DENND4C: variants seen among roughly 807,000 people sequenced by gnomAD.
The protein encoded by DENND4C is DENN domain containing 4C.
In DENND4C, 108 loss-of-function variants were observed where a neutral mutation model predicts 203.0. That is an observed-to-expected ratio of 0.53 (90% CI 0.46 to 0.62). The LOEUF (loss-of-function observed/expected upper bound fraction) is 0.62, where lower values mean the gene tolerates loss of function less well. DENND4C is among the 20% of genes least tolerant of loss of function. The probability of loss-of-function intolerance (pLI) is 0.00; values close to 1 mark genes in which losing one functional copy is unlikely to be tolerated. For missense variants in DENND4C, 2,481 were observed against 2,301.2 expected (o/e 1.08, Z -1.60); for synonymous variants, 871 against 792.4 (o/e 1.10, Z -1.67).
At chr9:19,322,404 A>G (rs1479641752) in intron 12 of DENND4C, among the ~76,000 whole-genome samples, 1 of 152,210 alleles carries the variant, frequency 6.6e-6, no homozygotes, top group Non-Finnish European at 1.5e-5. Context: ...AATGATGGAT[A>G]TAGCATGGAA....
At chr9:19,369,728 C>G (rs745314625) in intron 30 of DENND4C, 109 bp from the exon 31 acceptor site, 5 of 633,184 alleles carry the variant, frequency 7.9e-6, no homozygotes, top group Non-Finnish European at 1.1e-5. Context: ...GATCACATCA[C>G]TGCACTCCAG....
intron 1 of DENND4C, among the ~76,000 whole-genome samples, chr9:19,247,396 A>C (rs545557683): frequency 2.0e-5 from 3 of 152,158 alleles, no homozygotes; most frequent in African/African-American, 7.2e-5. Context: ...ACTATAATGG[A>C]CTGCTTTTTC....
intron 2 of DENND4C, among the ~76,000 whole-genome samples, chr9:19,281,780 A>G (rs1200364007): frequency 3.3e-5 from 5 of 152,230 alleles, no homozygotes; most frequent in Non-Finnish European, 5.9e-5. Flanking sequence ...ATAGCTTACT[A>G]CATATACAAC....
Position 19,298,055 on chromosome 9 carries a change from G to C in DENND4C, c.1041-1G>C. ...TATTTATTTCAAATTTTTTTTTCTA[G>C]GCACATTTCACATTTTATGCAAAAC... On this transcript the variant is annotated splice_acceptor_variant, in intron 6 of 32. Transcript: ENST00000434457. LOFTEE classifies it high-confidence loss of function. The C allele has an allele frequency of 6.2e-7, 1 of 1,602,586 alleles. No individual in the cohort carries two copies. Among genetic ancestry groups the C allele is most frequent in the Non-Finnish European group, 8.5e-7 (1 of 1,175,024 alleles).
chr9:19,306,759 AT>A (rs199710412), intron 10 of DENND4C, among the ~76,000 whole-genome samples: 267 of 137,824 alleles, frequency 1.9e-3, no homozygotes, highest in African/African-American at 8.5e-3. Flanking sequence ...TTATTTATTT[AT>A]TTATTTATTT....
intron 17 of DENND4C, among the ~76,000 whole-genome samples, chr9:19,333,746 G>A (rs1166888024): frequency 2.6e-5 from 4 of 152,168 alleles, no homozygotes; most frequent in East Asian, 1.9e-4. Context: ...TCCAGCTAAT[G>A]GCTGAGGAAA....
chr9:19,312,991 TTAC>T (rs1160411213), intron 10 of DENND4C, among the ~76,000 whole-genome samples: 9 of 152,214 alleles, frequency 5.9e-5, no homozygotes, highest in Admixed American at 5.9e-4. Flanking sequence ...GTCCATTAAT[TTAC>T]ATATATTGTT....
chr9:19,334,471 G>T (rs184444112), intron 17 of DENND4C, among the ~76,000 whole-genome samples: 96 of 151,208 alleles, frequency 6.3e-4, no homozygotes, highest in Middle Eastern at 3.5e-3. Flanking sequence ...TATATGAAAT[G>T]GTTAATAATG....
intron 1 of DENND4C, among the ~76,000 whole-genome samples, chr9:19,251,924 T>C (rs1826706309): frequency 1.3e-5 from 2 of 152,280 alleles, no homozygotes; most frequent in Admixed American, 1.3e-4. Flanking sequence ...CATTTTCCTC[T>C]CTCCTTCTGA....
intron 12 of DENND4C, among the ~76,000 whole-genome samples, chr9:19,322,513 G>A (rs34631598): frequency 0.075 from 11,401 of 151,938 alleles, 512 homozygotes; most frequent in South Asian, 0.16. Context: ...TGTAATCCCC[G>A]CACTTTCGGA....
At chr9:19,232,132 T>C (rs1052402951) in intron 1 of DENND4C, among the ~76,000 whole-genome samples, 32 of 152,242 alleles carry the variant, frequency 2.1e-4, no homozygotes, top group African/African-American at 7.5e-4. Flanking sequence ...CTATATTTTC[T>C]GTCCTGTTCT....
chr9:19,319,889 G>A (rs975530533), intron 12 of DENND4C, among the ~76,000 whole-genome samples: 4 of 152,084 alleles, frequency 2.6e-5, no homozygotes, highest in African/African-American at 9.7e-5. Flanking sequence ...GTATCCTTTA[G>A]TGTGCTACTT....
chr9:19,333,171 C>G (rs968887478), intron 17 of DENND4C, among the ~76,000 whole-genome samples: 1 of 151,774 alleles, frequency 6.6e-6, no homozygotes, highest in Non-Finnish European at 1.5e-5. Context: ...CACACCACCA[C>G]GTCTAATTTT....
chr9:19,288,473 C>A (rs1835651100), intron 3 of DENND4C, 123 bp from the exon 4 acceptor site: 1 of 478,016 alleles, frequency 2.1e-6, no homozygotes, highest in East Asian at 3.6e-5. Flanking sequence ...CTGCATAGTT[C>A]ATTATATAAA....
intron 30 of DENND4C, among the ~76,000 whole-genome samples, chr9:19,364,023 A>T (rs1827088804): frequency 6.6e-6 from 1 of 152,124 alleles, no homozygotes; most frequent in Non-Finnish European, 1.5e-5. Flanking sequence ...CATAAAAGAA[A>T]AAAAGGATAA....
intron 9 of DENND4C, among the ~76,000 whole-genome samples, chr9:19,302,863 C>A (rs1196935610): frequency 6.6e-6 from 1 of 152,196 alleles, no homozygotes; most frequent in South Asian, 2.1e-4. Context: ...ATCCCCTTGG[C>A]TAAATCTCTC....
At chr9:19,237,255 G>A (rs1053990151) in intron 1 of DENND4C, among the ~76,000 whole-genome samples, 1 of 152,106 alleles carries the variant, frequency 6.6e-6, no homozygotes, top group Non-Finnish European at 1.5e-5. Context: ...CTGACCTCAG[G>A]TGATCCGCCC....
chr9:19,315,411 G>A (rs1222120947), intron 10 of DENND4C, among the ~76,000 whole-genome samples: 1 of 151,316 alleles, frequency 6.6e-6, no homozygotes, highest in Non-Finnish European at 1.5e-5. Context: ...AAGAAAGTTT[G>A]TTATATTTAT....
intron 10 of DENND4C, among the ~76,000 whole-genome samples, chr9:19,311,609 A>T (rs983498048): frequency 6.6e-6 from 1 of 152,204 alleles, no homozygotes; most frequent in African/African-American, 2.4e-5. Flanking sequence ...ATAGGCAAAG[A>T]CTATGAAGAC....
Sources: gnomAD v4.1 joint callset for allele counts (sites outside exome capture counted in the v4.1 genomes callset) on GRCh38, gnomAD v4.1.1 for gene constraint, MANE v1.5 for transcripts, NCBI Gene and HGNC (gene_info 2026-07-23, HGNC 2026-07-21) for gene names.